KIFAP3: variants seen among roughly 807,000 people sequenced by gnomAD.
KIFAP3 encodes the protein kinesin associated protein 3.
In KIFAP3, 68 loss-of-function variants were observed where a neutral mutation model predicts 106.5. The observed-to-expected ratio is 0.64, with a 90% CI of 0.53 to 0.78. KIFAP3 has a LOEUF of 0.78. Among genes scored for constraint, KIFAP3 ranks in the 30% least tolerant of loss-of-function variants. The pLI is 0.00. For missense variants in KIFAP3, 780 were observed against 941.8 expected, an observed-to-expected ratio of 0.83 and a Z score of 2.25; for synonymous variants, 320 against 311.5, an observed-to-expected ratio of 1.03 and a Z score of -0.29.
At chr1:169,974,345 A>AT (rs1379684353) in intron 16 of KIFAP3, among the ~76,000 whole-genome samples, 33 of 152,168 alleles carry the variant, frequency 2.2e-4, no homozygotes, top group African/African-American at 7.7e-4. Context: ...ACACAAGTAC[A>AT]TACCATTATT....
intron 5 of KIFAP3, among the ~76,000 whole-genome samples, chr1:170,037,089 C>G (rs912755980): frequency 1.3e-5 from 2 of 152,076 alleles, no homozygotes; most frequent in African/African-American, 4.8e-5. Context: ...CAAAACAACA[C>G]AGCAATAGTG....
At position 170,016,715 on chromosome 1, in the gene KIFAP3, T is replaced by C. The variant is rs1432358744; in HGVS notation, c.1021-91A>G. On this transcript the variant is annotated intron_variant, in intron 9 of 19. Transcript: ENST00000361580. ...TATTTTTTCTTTGTTTTTACCCTAA[T>C]GTATATCTGTTTTATAATTATATGT... 5.6e-6 allele frequency: 4 copies of C among 715,122 alleles called. No individual in the cohort carries two copies. The African/African-American group carries it at 7.5e-5, about 13-fold the overall frequency. 44.3% of individuals were successfully genotyped at this position (715,122 alleles called of 1,614,324 possible). A position where few individuals can be genotyped will look rare whatever the true frequency, so the allele number is the denominator to read the frequency against.
intron 1 of KIFAP3, among the ~76,000 whole-genome samples, chr1:170,084,189 C>A (rs1279630528): frequency 6.6e-6 from 1 of 152,176 alleles, no homozygotes. Flanking sequence ...GTTAATACCA[C>A]AGTTTGTTCC....
At chr1:170,079,982 A>G (rs1671995408) in intron 1 of KIFAP3, among the ~76,000 whole-genome samples, 1 of 152,050 alleles carries the variant, frequency 6.6e-6, no homozygotes, top group Non-Finnish European at 1.5e-5. Flanking sequence ...TGATATTATC[A>G]GTGGTGTTTG....
chr1:170,031,622 A>C (rs1224197755), intron 8 of KIFAP3, among the ~76,000 whole-genome samples: 1 of 151,792 alleles, frequency 6.6e-6, no homozygotes, highest in Non-Finnish European at 1.5e-5. Context: ...ATATTATTGA[A>C]AAGGTCACAC....
At chr1:169,979,546 A>G (rs1168916776) in intron 15 of KIFAP3, among the ~76,000 whole-genome samples, 1 of 152,174 alleles carries the variant, frequency 6.6e-6, no homozygotes, top group African/African-American at 2.4e-5. Flanking sequence ...CAGGTGATGA[A>G]CTTCATTAGT....
At chr1:170,044,723 C>A (rs1365155099) in intron 3 of KIFAP3, among the ~76,000 whole-genome samples, 1 of 152,064 alleles carries the variant, frequency 6.6e-6, no homozygotes, top group Non-Finnish European at 1.5e-5. Flanking sequence ...TCTTTTTCCC[C>A]AGGACTGACT....
At chr1:169,983,574 T>G (rs1272286430) in intron 12 of KIFAP3, among the ~76,000 whole-genome samples, 192 bp from the exon 13 acceptor site, 1 of 151,934 alleles carries the variant, frequency 6.6e-6, no homozygotes, top group Non-Finnish European at 1.5e-5. Context: ...TCCAGAAAGT[T>G]CACTTGTGCC....
intron 1 of KIFAP3, among the ~76,000 whole-genome samples, chr1:170,059,583 A>G (rs1671027786): frequency 6.6e-6 from 1 of 152,322 alleles, no homozygotes; most frequent in East Asian, 1.9e-4. Context: ...ATTCTACCAG[A>G]GGTACAAGGA....
Position 170,030,651 on chromosome 1 carries a change from G to C in KIFAP3, c.841+1235C>G, listed in dbSNP as rs575346804. 1.6e-4 allele frequency among the ~76,000 whole-genome samples: 25 copies of C among 151,912 alleles called. No homozygotes were observed. The South Asian group carries it at 5.0e-3, about 30-fold the overall frequency. On this transcript the variant is annotated intron_variant, in intron 8 of 19. Coordinates refer to ENST00000361580, the MANE Select transcript of KIFAP3 (RefSeq NM_014970.4). The stretch of plus-strand genomic sequence containing the variant: ...AAACTATTGATAAATGCAATAATAT[G>C]GATGAATCTTTAATTATGCTGAGTA...
In KIFAP3 at chr1:170,041,993, TTGTCCTGTTTG is replaced by T. The variant is rs1390316804; in HGVS notation, c.320-2716_320-2706del. 8.1e-5 allele frequency: 25 copies of T among 308,932 alleles called. No homozygotes were observed. In the South Asian group the frequency reaches 3.0e-3, roughly 37 times the overall value. The allele number at this position is 308,932 out of a possible 1,614,324, so 19.1% of individuals were successfully genotyped here. On this transcript the variant is annotated intron_variant, in intron 3 of 19. Coordinates refer to ENST00000361580, the MANE Select transcript of KIFAP3 (RefSeq NM_014970.4). Reference sequence around the variant, plus strand: ...TCAGGGTCTCATGTCTGTTCTTATCTTGTCCTGTTTGTGTGTGGGGAACCCAGAAGGAAACA... The same window carrying T: ...TCAGGGTCTCATGTCTGTTCTTATCTTGTGTGGGGAACCCAGAAGGAAACA...
chr1:169,984,299 C>T (rs962295730), intron 12 of KIFAP3, among the ~76,000 whole-genome samples: 6 of 151,656 alleles, frequency 4.0e-5, no homozygotes, highest in Admixed American at 1.3e-4. Flanking sequence ...TAATAGACTG[C>T]TTTGCAAAGA....
chr1:170,046,287 A>G (rs1670252693), intron 3 of KIFAP3, among the ~76,000 whole-genome samples: 1 of 150,602 alleles, frequency 6.6e-6, no homozygotes, highest in Non-Finnish European at 1.5e-5. Flanking sequence ...TCTAAGGCAT[A>G]TGATATATAT....
chr1:170,035,597 C>G, intron 5 of KIFAP3, 44 bp from the exon 6 acceptor site: 1 of 1,259,986 alleles, frequency 7.9e-7, no homozygotes, highest in African/African-American at 1.5e-5. Context: ...TCTCCTTGCT[C>G]TGGTATAAAG....
intron 3 of KIFAP3, among the ~76,000 whole-genome samples, chr1:170,040,768 G>A (rs1435021934): frequency 2.6e-5 from 4 of 151,318 alleles, no homozygotes; most frequent in East Asian, 1.9e-4. Flanking sequence ...CCTTATCTAC[G>A]TAGTACTTAA....
At chr1:170,002,400 T>C (rs2101963518) in intron 10 of KIFAP3, among the ~76,000 whole-genome samples, 1 of 152,332 alleles carries the variant, frequency 6.6e-6, no homozygotes, top group African/African-American at 2.4e-5. Context: ...CTAACATTAC[T>C]GACTAAAAAT....
intron 8 of KIFAP3, among the ~76,000 whole-genome samples, chr1:170,025,751 A>G (rs1669070874): frequency 6.6e-6 from 1 of 152,206 alleles, no homozygotes; most frequent in South Asian, 2.1e-4. Flanking sequence ...CAGAATCCAA[A>G]GCTCATATAT....
chr1:170,010,883 C>G (rs1456884306), intron 10 of KIFAP3, among the ~76,000 whole-genome samples: 1 of 151,792 alleles, frequency 6.6e-6, no homozygotes, highest in Non-Finnish European at 1.5e-5. Flanking sequence ...TAAGTTCTAC[C>G]ATGTGCATTA....
intron 19 of KIFAP3, among the ~76,000 whole-genome samples, chr1:169,945,424 GGCAGGGCTCAT>G: frequency 6.6e-6 from 1 of 152,286 alleles, no homozygotes; most frequent in East Asian, 1.9e-4. Context: ...CTTGGCAGGG[GGCAGGGCTCAT>G]GCCTCTTCCC....
Sources: allele counts gnomAD v4.1 joint callset (sites outside exome capture counted in the v4.1 genomes callset), GRCh38; gene constraint gnomAD v4.1.1; transcripts MANE v1.5; gene names NCBI Gene and HGNC (gene_info 2026-07-23, HGNC 2026-07-21).